The following FDX1 variants were observed in gnomAD, a reference collection of about 807,000 sequenced individuals.
FDX1 encodes adrenodoxin, mitochondrial.
Under a neutral mutation model 14.9 loss-of-function variants are expected in FDX1, and 9 were observed. That is an observed-to-expected ratio of 0.60 (90% CI 0.36 to 1.05). The LOEUF is 1.05. Among genes scored for constraint, FDX1 ranks in the 50% least tolerant of loss-of-function variants. FDX1 has a pLI of 0.01. For missense variants in FDX1, 204 were observed against 237.2 expected, an observed-to-expected ratio of 0.86 and a Z score of 0.92; for synonymous variants, 92 against 99.4, an observed-to-expected ratio of 0.93 and a Z score of 0.44.
At chr11:110,438,026 C>T (rs949448299) in intron 2 of FDX1, among the ~76,000 whole-genome samples, 8 of 152,142 alleles carry the variant, frequency 5.3e-5, no homozygotes, top group African/African-American at 1.9e-4. Context: ...TTATCCAATC[C>T]ACCATTGACA....
chr11:110,462,649 G>A lies in FDX1; in HGVS notation c.*181G>A. 7 of 378,742 alleles carry A rather than the reference G, an allele frequency of 1.8e-5. No individual in the cohort carries two copies. The highest frequency in any genetic ancestry group is 3.9e-5 in the East Asian group (1 of 25,648). The allele number at this position is 378,742 out of a possible 1,614,324, so 23.5% of individuals were successfully genotyped here. On this transcript the variant is annotated 3_prime_UTR_variant, in exon 4 of 4. Coordinates refer to ENST00000260270, the MANE Select transcript of FDX1 (RefSeq NM_004109.5). ...CTTGAAAGTATGCAATTTTTATTTT[G>A]GTTATATTACAAAAATGTCAATCAA...
chr11:110,452,361 C>T lies in FDX1; in HGVS notation c.311-4557C>T, dbSNP rs113468782. On this transcript the variant is annotated intron_variant, in intron 2 of 3. Coordinates refer to ENST00000260270, the MANE Select transcript of FDX1 (RefSeq NM_004109.5). ...ATATCCAGTGAAAGGACTTGTATCC[C>T]GGCTATGTAAAAAGCTCTCCAAACT... Among the ~76,000 whole-genome samples, 713 of 152,018 alleles carry T rather than the reference C, an allele frequency of 4.7e-3. 2 individuals are homozygous for T. Among genetic ancestry groups the T allele is most frequent in the Middle Eastern group, 0.034 (10 of 292 alleles).
intron 2 of FDX1, among the ~76,000 whole-genome samples, chr11:110,446,766 A>G (rs1355312414): frequency 1.3e-5 from 2 of 152,174 alleles, no homozygotes; most frequent in East Asian, 3.8e-4. Flanking sequence ...TACAGTCGGC[A>G]CGAGGGGCTG....
At chr11:110,442,037 A>C (rs748041635) in intron 2 of FDX1, among the ~76,000 whole-genome samples, 1 of 152,246 alleles carries the variant, frequency 6.6e-6, no homozygotes, top group Non-Finnish European at 1.5e-5. Context: ...GCAAACCTCA[A>C]GCCTTGGCAG....
chr11:110,436,576 C>T (rs1386720449), intron 2 of FDX1, among the ~76,000 whole-genome samples: 2 of 128,870 alleles, frequency 1.6e-5, no homozygotes, highest in African/African-American at 5.6e-5. Context: ...ACTCCTCCCC[C>T]ACCCACCGCC....
chr11:110,440,606 A>G (rs1350118577), intron 2 of FDX1, among the ~76,000 whole-genome samples: 1 of 152,210 alleles, frequency 6.6e-6, no homozygotes, highest in African/African-American at 2.4e-5. Context: ...TGTGCTGTTG[A>G]AAAAATTTAA....
intron 2 of FDX1, among the ~76,000 whole-genome samples, chr11:110,444,912 C>T (rs71466717): frequency 0.02 from 2,997 of 151,444 alleles, 45 homozygotes; most frequent in Non-Finnish European, 0.031. Flanking sequence ...CGCCCTGAAT[C>T]GTTTCCTGGG....
intron 2 of FDX1, among the ~76,000 whole-genome samples, chr11:110,440,856 A>G (rs1310144263): frequency 1.3e-5 from 2 of 152,236 alleles, no homozygotes; most frequent in Admixed American, 6.5e-5. Context: ...TAAGCTCACA[A>G]AAAAATCACT....
At chr11:110,453,415 T>C (rs1946499227) in intron 2 of FDX1, among the ~76,000 whole-genome samples, 1 of 150,844 alleles carries the variant, frequency 6.6e-6, no homozygotes, top group Non-Finnish European at 1.5e-5. Flanking sequence ...TTGGAGGACA[T>C]AGCTCTCATG....
chr11:110,448,199 G>A (rs903819310), intron 2 of FDX1, among the ~76,000 whole-genome samples: 3 of 152,062 alleles, frequency 2.0e-5, no homozygotes, highest in African/African-American at 7.2e-5. Flanking sequence ...TTTTCTTCAT[G>A]TGTCTGTTTT....
intron 2 of FDX1, among the ~76,000 whole-genome samples, chr11:110,456,113 A>T (rs1379022937): frequency 6.6e-6 from 1 of 152,248 alleles, no homozygotes; most frequent in South Asian, 2.1e-4. Flanking sequence ...ATTTAAGACC[A>T]TAGTGACTTA....
chr11:110,439,380 TTG>T (rs1946391430), intron 2 of FDX1, among the ~76,000 whole-genome samples: 1 of 152,064 alleles, frequency 6.6e-6, no homozygotes, highest in South Asian at 2.1e-4. Flanking sequence ...GCTAATTTTT[TTG>T]TATTTTTAGT....
At chr11:110,442,209 G>A (rs190397230) in intron 2 of FDX1, among the ~76,000 whole-genome samples, 86 of 152,358 alleles carry the variant, frequency 5.6e-4, no homozygotes, top group African/African-American at 1.8e-3. Flanking sequence ...GGGCAGTGCA[G>A]AAGGGAAATG....
intron 2 of FDX1, among the ~76,000 whole-genome samples, chr11:110,444,678 ATATATACACGTATATATATATATATACG>A (rs1946430230): frequency 1.2e-5 from 1 of 80,736 alleles, no homozygotes; most frequent in African/African-American, 5.8e-5. Context: ...ATATATATAT[ATATATACACGTATATATATATATATACG>A]TATATATATA....
intron 2 of FDX1, among the ~76,000 whole-genome samples, chr11:110,443,975 T>C (rs957492027): frequency 6.6e-6 from 1 of 152,140 alleles, no homozygotes; most frequent in Admixed American, 6.6e-5. Context: ...CTTTGTTAGA[T>C]GCATAGTTGG....
rs753072507 is a variant in FDX1 at position 110,464,471 on chromosome 11, G to A, written c.*2003G>A. On this transcript the variant is annotated 3_prime_UTR_variant, in exon 4 of 4. Coordinates refer to ENST00000260270, the MANE Select transcript of FDX1 (RefSeq NM_004109.5). Reference sequence around the variant, plus strand: ...CAAAATGATTATCCTTTTATCAGGAGCCCACTTCTGACATAACTAACCCAC... The same window carrying A: ...CAAAATGATTATCCTTTTATCAGGAACCCACTTCTGACATAACTAACCCAC... The A allele has an allele frequency of 6.6e-6, 1 of 152,056 alleles. No individual in the cohort carries two copies. Among genetic ancestry groups the A allele is most frequent in the Non-Finnish European group, 1.5e-5 (1 of 68,028 alleles). The allele number at this position is 152,056 out of a possible 1,614,324, so 9.4% of individuals were successfully genotyped here.
intron 3 of FDX1, among the ~76,000 whole-genome samples, chr11:110,460,839 C>T (rs1946552011): frequency 6.6e-6 from 1 of 152,214 alleles, no homozygotes; most frequent in African/African-American, 2.4e-5. Flanking sequence ...CACTGCTGGT[C>T]TCTTTGGCTG....
intron 2 of FDX1, among the ~76,000 whole-genome samples, chr11:110,456,079 T>G (rs974754718): frequency 6.6e-6 from 1 of 152,186 alleles, no homozygotes; most frequent in Non-Finnish European, 1.5e-5. Flanking sequence ...ACTTAAAAAA[T>G]GGAACAGGAT....
intron 3 of FDX1, 99 bp downstream of exon 3, chr11:110,457,146 T>C: frequency 9.8e-7 from 1 of 1,015,284 alleles, no homozygotes; most frequent in Non-Finnish European, 1.4e-6. Flanking sequence ...TGTAATAGTG[T>C]TCTACCAGGT....
Sources: gnomAD v4.1 joint callset for allele counts (sites outside exome capture counted in the v4.1 genomes callset) on GRCh38, gnomAD v4.1.1 for gene constraint, MANE v1.5 for transcripts, NCBI Gene and HGNC (gene_info 2026-07-23, HGNC 2026-07-21) for gene names.